The following WFDC8 variants were observed in gnomAD, a reference collection of about 807,000 sequenced individuals.
The protein encoded by WFDC8 is WAP four-disulfide core domain 8.
WFDC8 carries 24 observed loss-of-function variants against 27.0 expected under a neutral mutation model. The observed-to-expected ratio is 0.89, with a 90% confidence interval of 0.64 to 1.25. The LOEUF (loss-of-function observed/expected upper bound fraction) is 1.25, where lower values mean the gene tolerates loss of function less well. WFDC8 is among the 50% of genes most tolerant of loss of function. WFDC8 has a pLI of 0.00. For synonymous variants in WFDC8, 106 were observed against 99.7 expected (o/e 1.06, Z -0.38); for missense variants, 287 against 295.9 (o/e 0.97, Z 0.22).
chr20:45,553,402 C>A (rs970833541), intron 4 of WFDC8, 126 bp from the exon 5 acceptor site: 2 of 1,159,388 alleles, frequency 1.7e-6, no homozygotes, highest in African/African-American at 3.1e-5. Flanking sequence ...CCCTATCCAT[C>A]TCCAGTAGGC....
intron 1 of WFDC8, among the ~76,000 whole-genome samples, chr20:45,569,765 G>T (rs979663729): frequency 2.0e-5 from 3 of 152,120 alleles, no homozygotes; most frequent in African/African-American, 7.2e-5. Context: ...CTTCACAATA[G>T]CAAAGACATA....
chr20:45,555,368 A>C (rs1413960281), intron 4 of WFDC8, among the ~76,000 whole-genome samples: 1 of 152,324 alleles, frequency 6.6e-6, no homozygotes, highest in South Asian at 2.1e-4. Context: ...TATGATGCTC[A>C]ACAGGTTACT....
intron 2 of WFDC8, 74 bp from the exon 3 acceptor site, chr20:45,559,066 A>G: frequency 1.9e-6 from 3 of 1,582,162 alleles, no homozygotes; most frequent in Non-Finnish European, 2.6e-6. Flanking sequence ...AAAGGTGTGT[A>G]GTGAAATTCT....
chr20:45,572,396 C>CA (rs768958375), intron 1 of WFDC8, among the ~76,000 whole-genome samples: 6,476 of 48,558 alleles, frequency 0.13, 374 homozygotes, highest in African/African-American at 0.19. Flanking sequence ...GAATCCATCT[C>CA]AAAAAAAAAA....
Position 45,562,180 on chromosome 20 carries a change from A to G in WFDC8, c.66T>C (p.Asn22=), listed in dbSNP as rs1980494226. 5 of 1,614,070 alleles carry G rather than the reference A, an allele frequency of 3.1e-6. No homozygotes were observed. Among genetic ancestry groups the G allele is most frequent in the African/African-American group, 1.3e-5 (1 of 74,934 alleles). ...PLHSPTFSWR[N]VAFLLLLSLA... ...GGGAGAGAAGCAGCAGGAAAGCTAC[A>G]TTCCTCCAGGAGAAGGTGGGGCTAT... Residue 22 remains asparagine (N), a synonymous_variant, in exon 2 of 6, where the codon AAT becomes AAC. Transcript: ENST00000289953.
intron 5 of WFDC8, among the ~76,000 whole-genome samples, chr20:45,552,480 C>A (rs1354344961): frequency 1.3e-5 from 2 of 152,190 alleles, no homozygotes; most frequent in African/African-American, 2.4e-5. Flanking sequence ...GCACACAGAA[C>A]CTTCTTGTTT....
rs901918402 is a variant in WFDC8 at position 45,577,409 on chromosome 20, T to A, written c.26+1813A>T. On this transcript the variant is annotated intron_variant, in intron 1 of 5. Coordinates refer to ENST00000289953, the MANE Select transcript of WFDC8 (RefSeq NM_130896.3). ...ATATATATTACATAAGGTGTCTTTT[T>A]TTTTTTTTGAGATGGAGTCTCACTC... Among the ~76,000 whole-genome samples, 8 of 150,696 alleles carry A rather than the reference T, an allele frequency of 5.3e-5. 1 individual carries two copies. Among genetic ancestry groups the A allele is most frequent in the Non-Finnish European group, 1.5e-5 (1 of 67,408 alleles).
At chr20:45,552,768 G>A (rs1273953883) in intron 5 of WFDC8, among the ~76,000 whole-genome samples, 1 of 152,150 alleles carries the variant, frequency 6.6e-6, no homozygotes, top group Non-Finnish European at 1.5e-5. Context: ...AATATGATGT[G>A]CATGCTTTGA....
intron 2 of WFDC8, among the ~76,000 whole-genome samples, chr20:45,560,978 G>C (rs753172384): frequency 2.6e-5 from 4 of 152,220 alleles, no homozygotes; most frequent in Non-Finnish European, 5.9e-5. Context: ...GGCTCCAGGA[G>C]ATAGGCTGTT....
intron 5 of WFDC8, 121 bp from the exon 6 acceptor site, chr20:45,552,286 C>T (rs1266588471): frequency 1.6e-5 from 19 of 1,201,294 alleles, no homozygotes; most frequent in Non-Finnish European, 2.1e-5. Context: ...TACCTTTCCC[C>T]CTACAGTAAC....
chr20:45,552,615 C>A (rs1322449306), intron 5 of WFDC8, among the ~76,000 whole-genome samples: 1 of 152,180 alleles, frequency 6.6e-6, no homozygotes. Context: ...CTATACTGAA[C>A]CTTAGAACCT....
At chr20:45,572,048 C>G (rs922783350) in intron 1 of WFDC8, among the ~76,000 whole-genome samples, 1 of 152,136 alleles carries the variant, frequency 6.6e-6, no homozygotes, top group Non-Finnish European at 1.5e-5. Context: ...TTTGAGGAAG[C>G]TCCACACTAT....
At chr20:45,556,699 G>C (rs1449434852) in intron 3 of WFDC8, among the ~76,000 whole-genome samples, 2 of 152,124 alleles carry the variant, frequency 1.3e-5, no homozygotes, top group Non-Finnish European at 2.9e-5. Context: ...AGGTGAAAAA[G>C]CTCGATAGGT....
intron 1 of WFDC8, among the ~76,000 whole-genome samples, chr20:45,564,948 A>AGAAGGAAGGAAG (rs199524356): frequency 0.011 from 1,590 of 143,698 alleles, 52 homozygotes; most frequent in Admixed American, 0.077. Flanking sequence ...AAAGAAAGAA[A>AGAAGGAAGGAAG]GAAGGAAGGA....
intron 2 of WFDC8, chr20:45,559,874 C>CT: frequency 6.6e-6 from 1 of 152,352 alleles, no homozygotes; most frequent in South Asian, 2.1e-4. Flanking sequence ...TATGGCCATG[C>CT]TTCCTTCCTT....
intron 5 of WFDC8, 64 bp from the exon 6 acceptor site, chr20:45,552,229 A>G (rs17433181): frequency 0.4 from 632,660 of 1,587,848 alleles, 131,381 homozygotes; most frequent in Non-Finnish European, 0.43. Context: ...GACAAATTTG[A>G]GGAATCTTGG....
At chr20:45,563,229 C>T (rs1980533698) in intron 1 of WFDC8, among the ~76,000 whole-genome samples, 1 of 152,180 alleles carries the variant, frequency 6.6e-6, no homozygotes, top group Non-Finnish European at 1.5e-5. Flanking sequence ...ACATAGTGAT[C>T]TTGATTTTGG....
chr20:45,565,086 AAG>A (rs1980630243), intron 1 of WFDC8, among the ~76,000 whole-genome samples: 1 of 147,880 alleles, frequency 6.8e-6, no homozygotes, highest in African/African-American at 2.5e-5. Context: ...AAGAAAGAGA[AAG>A]AGGGAGGGAA....
Position 45,558,844 on chromosome 20 carries a change from A to G in WFDC8, c.277+8T>C. 1 of 1,614,136 alleles carries G rather than the reference A, an allele frequency of 6.2e-7. No homozygotes were observed. The highest frequency in any genetic ancestry group is 8.5e-7 in the Non-Finnish European group (1 of 1,180,002). On this transcript the variant is annotated splice_region_variant and intron_variant, in intron 3 of 5. Coordinates refer to ENST00000289953, the MANE Select transcript of WFDC8 (RefSeq NM_130896.3). ...GGGAACCTCTGTCCTCAGCCTGGACATCGCTACCTTGAAAGGGATCCATGC... is the reference window on the plus strand; with the variant it reads ...GGGAACCTCTGTCCTCAGCCTGGACGTCGCTACCTTGAAAGGGATCCATGC...
Sources: gnomAD v4.1 joint callset for allele counts (sites outside exome capture counted in the v4.1 genomes callset) on GRCh38, gnomAD v4.1.1 for gene constraint, MANE v1.5 for transcripts, NCBI Gene and HGNC (gene_info 2026-07-23, HGNC 2026-07-21) for gene names.